Variants in LRP1B observed in about 807,000 individuals in gnomAD.
LRP1B encodes the protein LDL receptor related protein 1B.
A neutral mutation model predicts 556.6 loss-of-function variants in LRP1B; 217 were observed. That is an observed-to-expected ratio of 0.39 (90% confidence interval 0.35 to 0.44). The LOEUF is 0.44. Among genes scored for constraint, LRP1B ranks in the 20% least tolerant of loss-of-function variants. The pLI is 1.00. For synonymous variants in LRP1B, 2,047 were observed against 1,865.8 expected, an observed-to-expected ratio of 1.10 and a Z score of -2.50; for missense variants, 5,053 against 5,620.8, an observed-to-expected ratio of 0.90 and a Z score of 3.23.
chr2:141,822,096 C>T lies in LRP1B; in HGVS notation c.83-11695G>A, dbSNP rs924076300. On this transcript the variant is annotated intron_variant, in intron 1 of 90. Coordinates refer to ENST00000389484, the MANE Select transcript of LRP1B (RefSeq NM_018557.3). Reference sequence around the variant, plus strand: ...GCTTCTTCACCAAAAAATACATACACACACACACACACACACACACACACA... The same window carrying T: ...GCTTCTTCACCAAAAAATACATACATACACACACACACACACACACACACA... Among the ~76,000 whole-genome samples, 80 of 79,986 alleles carry T rather than the reference C, an allele frequency of 1.0e-3. 1 individual carries two copies. The South Asian group carries it at 0.021, about 21-fold the overall frequency. 52.5% of individuals were successfully genotyped at this position (79,986 alleles called of 152,430 possible).
chr2:141,919,007 T>C (rs890012198), intron 1 of LRP1B, among the ~76,000 whole-genome samples: 1 of 152,158 alleles, frequency 6.6e-6, no homozygotes, highest in East Asian at 1.9e-4. Flanking sequence ...TTGATTCTAA[T>C]GGTACCTTAA....
At chr2:141,906,952 C>A (rs1469391825) in intron 1 of LRP1B, among the ~76,000 whole-genome samples, 1 of 151,988 alleles carries the variant, frequency 6.6e-6, no homozygotes, top group African/African-American at 2.4e-5. Flanking sequence ...GGCAGAGACA[C>A]ATGCCACTTT....
At position 141,909,526 on chromosome 2, in the gene LRP1B, A is replaced by ATT. The variant is rs377577096; in HGVS notation, c.83-99127_83-99126dup. On this transcript the variant is annotated intron_variant, in intron 1 of 90. Coordinates refer to ENST00000389484, the MANE Select transcript of LRP1B (RefSeq NM_018557.3). ...ATTTAATCAGACTAAGGTCTCAGAC[A>ATT]TTTTTTTTTTTTTTTTTTTTTTTTT... 1.3e-3 allele frequency among the ~76,000 whole-genome samples: 126 copies of ATT among 93,364 alleles called. 4 individuals carry two copies. Among genetic ancestry groups the ATT allele is most frequent in the African/African-American group, 2.9e-3 (63 of 21,440 alleles). The allele number at this position is 93,364 out of a possible 152,430, so 61.3% of individuals were successfully genotyped here. A position where few individuals can be genotyped will look rare whatever the true frequency, so the allele number is the denominator to read the frequency against.
chr2:140,565,947 G>A (rs188222457), intron 43 of LRP1B, among the ~76,000 whole-genome samples: 173 of 152,230 alleles, frequency 1.1e-3, no homozygotes, highest in African/African-American at 3.5e-3. Context: ...TCACAGGCAC[G>A]AAGCCCAGCT....
intron 18 of LRP1B, among the ~76,000 whole-genome samples, chr2:140,980,778 A>G (rs1696746046): frequency 6.6e-6 from 1 of 152,248 alleles, no homozygotes; most frequent in Non-Finnish European, 1.5e-5. Context: ...TATATGAAAA[A>G]GACACATGCA....
chr2:141,269,578 T>C (rs1034938115), intron 3 of LRP1B, among the ~76,000 whole-genome samples: 4 of 152,090 alleles, frequency 2.6e-5, no homozygotes, highest in Admixed American at 2.6e-4. Flanking sequence ...AAGGGGTACA[T>C]CAGGGACTGC....
At chr2:140,254,389 G>T (rs1358020486) in intron 86 of LRP1B, among the ~76,000 whole-genome samples, 1 of 152,140 alleles carries the variant, frequency 6.6e-6, no homozygotes, top group African/African-American at 2.4e-5. Context: ...CAATGCTCAT[G>T]TGCTGAAATA....
intron 60 of LRP1B, among the ~76,000 whole-genome samples, chr2:140,459,190 G>A (rs1394664240): frequency 2.0e-5 from 3 of 152,070 alleles, no homozygotes; most frequent in Admixed American, 1.3e-4. Flanking sequence ...TTAATTATGT[G>A]TGAGCTATTT....
intron 1 of LRP1B, among the ~76,000 whole-genome samples, chr2:141,833,885 G>T (rs1285774878): frequency 1.3e-5 from 2 of 148,902 alleles, no homozygotes; most frequent in African/African-American, 5.2e-5. Flanking sequence ...GAACATCTTT[G>T]AGTGGGGTTT....
At chr2:141,176,044 G>C (rs1680720265) in intron 7 of LRP1B, among the ~76,000 whole-genome samples, 1 of 152,216 alleles carries the variant, frequency 6.6e-6, no homozygotes, top group East Asian at 1.9e-4. Context: ...TTTTGGAGTG[G>C]TGGCATTTAC....
chr2:141,698,673 C>A (rs16846884), intron 2 of LRP1B, among the ~76,000 whole-genome samples: 12,248 of 150,838 alleles, frequency 0.081, 976 homozygotes, highest in African/African-American at 0.19. Context: ...TGAGCTGTAG[C>A]ATATTCCAAA....
intron 41 of LRP1B, among the ~76,000 whole-genome samples, chr2:140,657,634 T>C (rs28463940): frequency 0.022 from 3,067 of 138,682 alleles, 64 homozygotes; most frequent in Admixed American, 0.048. Context: ...TACATACATA[T>C]ATATACATAC....
chr2:140,805,253 A>G (rs1690670808), intron 32 of LRP1B, among the ~76,000 whole-genome samples: 1 of 152,192 alleles, frequency 6.6e-6, no homozygotes, highest in African/African-American at 2.4e-5. Context: ...AAACAGGTCA[A>G]TAGTATAATA....
chr2:141,534,251 C>A (rs1375233883), intron 2 of LRP1B, among the ~76,000 whole-genome samples: 1 of 151,944 alleles, frequency 6.6e-6, no homozygotes, highest in African/African-American at 2.4e-5. Context: ...CCAGAGGCTA[C>A]GAAATGAAAA....
chr2:140,970,781 C>T lies in LRP1B; in HGVS notation c.2887+11379G>A, dbSNP rs376687909. 1.5e-4 allele frequency among the ~76,000 whole-genome samples: 18 copies of T among 121,416 alleles called. No individual in the cohort carries two copies. The East Asian group carries it at 4.7e-3, about 32-fold the overall frequency. The allele number at this position is 121,416 out of a possible 152,430, so 79.7% of individuals were successfully genotyped here. On this transcript the variant is annotated intron_variant, in intron 18 of 90. Transcript: ENST00000389484. ...TTTGAGAGAGGGTCTTGCTCTGTTG[C>T]CCAAGCTGCAGTGTAATGGAACACT... is the stretch of plus-strand genomic sequence containing the variant.
intron 1 of LRP1B, among the ~76,000 whole-genome samples, chr2:142,001,895 G>A (rs1702666862): frequency 6.6e-6 from 1 of 152,088 alleles, no homozygotes; most frequent in South Asian, 2.1e-4. Flanking sequence ...TTTCAAAGCG[G>A]CATGCTCTAA....
chr2:141,677,559 G>A (rs879554030), intron 2 of LRP1B, among the ~76,000 whole-genome samples: 5 of 152,044 alleles, frequency 3.3e-5, no homozygotes, highest in South Asian at 2.1e-4. Context: ...GCACAATCTC[G>A]TTTCACCGCA....
At chr2:140,530,433 A>C (rs1394012939) in intron 47 of LRP1B, among the ~76,000 whole-genome samples, 1 of 152,082 alleles carries the variant, frequency 6.6e-6, no homozygotes, top group Non-Finnish European at 1.5e-5. Flanking sequence ...ATTTGGTGGA[A>C]ACACATTTGC....
intron 1 of LRP1B, among the ~76,000 whole-genome samples, chr2:141,936,540 T>C (rs1333783505): frequency 2.6e-5 from 4 of 152,192 alleles, no homozygotes; most frequent in Non-Finnish European, 5.9e-5. Flanking sequence ...CTTTAGACTT[T>C]CCAGCCTCCA....
Sources: allele counts gnomAD v4.1 joint callset (sites outside exome capture counted in the v4.1 genomes callset), GRCh38; gene constraint gnomAD v4.1.1; transcripts MANE v1.5; gene names NCBI Gene and HGNC (gene_info 2026-07-23, HGNC 2026-07-21).